SPAG16: variants seen among roughly 807,000 people sequenced by gnomAD.
SPAG16 encodes sperm-associated antigen 16 protein.
A neutral mutation model predicts 80.4 loss-of-function variants in SPAG16; 86 were observed. That is an observed-to-expected ratio of 1.07 (90% CI 0.90 to 1.28). SPAG16 has a LOEUF of 1.28. Among genes scored for constraint, SPAG16 ranks in the 50% most tolerant of loss-of-function variants. SPAG16 has a pLI of 0.00. For missense variants in SPAG16, 870 were observed against 765.3 expected (o/e 1.14, Z -1.61); for synonymous variants, 294 against 265.9 (o/e 1.11, Z -1.03).
At chr2:213,518,337 C>T (rs902389533) in intron 10 of SPAG16, among the ~76,000 whole-genome samples, 11 of 152,162 alleles carry the variant, frequency 7.2e-5, no homozygotes, top group Non-Finnish European at 1.6e-4. Context: ...GCATGATCAT[C>T]GCTTACTGCA....
chr2:214,279,308 G>A (rs1027960124), intron 15 of SPAG16, among the ~76,000 whole-genome samples: 3 of 152,102 alleles, frequency 2.0e-5, no homozygotes, highest in African/African-American at 7.2e-5. Flanking sequence ...TGTTCGCAAG[G>A]ATGGTCTCAA....
chr2:213,503,806 T>C (rs1054966741), intron 10 of SPAG16, among the ~76,000 whole-genome samples: 10 of 151,726 alleles, frequency 6.6e-5, no homozygotes, highest in African/African-American at 2.4e-4. Flanking sequence ...AATGTGGAAA[T>C]GTAACCGGAC....
At chr2:214,091,000 T>A (rs753831242) in intron 13 of SPAG16, among the ~76,000 whole-genome samples, 6 of 152,066 alleles carry the variant, frequency 3.9e-5, no homozygotes, top group Non-Finnish European at 5.9e-5. Flanking sequence ...TTTAAGTCTG[T>A]CTTGAGGTCA....
chr2:214,037,618 A>G (rs2048766278), intron 13 of SPAG16, among the ~76,000 whole-genome samples: 1 of 151,956 alleles, frequency 6.6e-6, no homozygotes, highest in African/African-American at 2.4e-5. Context: ...ATATATTAAC[A>G]TCTCCTAGGC....
intron 15 of SPAG16, among the ~76,000 whole-genome samples, chr2:214,246,076 T>C (rs1381607534): frequency 6.6e-6 from 1 of 152,094 alleles, no homozygotes; most frequent in Non-Finnish European, 1.5e-5. Flanking sequence ...ATACAACTTA[T>C]ATTAACTGTT....
At chr2:213,773,379 T>G (rs1023706426) in intron 10 of SPAG16, among the ~76,000 whole-genome samples, 9 of 152,228 alleles carry the variant, frequency 5.9e-5, no homozygotes, top group Non-Finnish European at 1.2e-4. Flanking sequence ...AAACTTCATA[T>G]TTATGGCATA....
intron 13 of SPAG16, among the ~76,000 whole-genome samples, chr2:214,057,416 A>G (rs1559742964): frequency 1.3e-5 from 2 of 152,100 alleles, no homozygotes; most frequent in Admixed American, 1.3e-4. Flanking sequence ...AATATTATTA[A>G]TCTTTTTTTT....
intron 9 of SPAG16, among the ~76,000 whole-genome samples, chr2:213,447,608 C>T (rs73986849): frequency 0.014 from 2,152 of 152,282 alleles, 46 homozygotes; most frequent in African/African-American, 0.048. Flanking sequence ...TGGAGAACAT[C>T]GGGCGTTCCC....
At chr2:214,204,835 A>T (rs2058098337) in intron 15 of SPAG16, among the ~76,000 whole-genome samples, 1 of 152,218 alleles carries the variant, frequency 6.6e-6, no homozygotes, top group Non-Finnish European at 1.5e-5. Context: ...CCAAGAAGAA[A>T]TCTCTGAATT....
At chr2:214,325,282 T>G (rs1696397389) in intron 15 of SPAG16, among the ~76,000 whole-genome samples, 1 of 152,182 alleles carries the variant, frequency 6.6e-6, no homozygotes, top group Non-Finnish European at 1.5e-5. Flanking sequence ...GTCTAGGAGT[T>G]GCCTGAGACT....
At chr2:213,946,750 CAT>C (rs773908264) in intron 12 of SPAG16, among the ~76,000 whole-genome samples, 1 of 152,088 alleles carries the variant, frequency 6.6e-6, no homozygotes, top group Non-Finnish European at 1.5e-5. Context: ...AATTTTATCA[CAT>C]GTGTAGATTA....
chr2:214,031,404 C>T (rs1241742239), intron 13 of SPAG16, among the ~76,000 whole-genome samples: 17 of 113,938 alleles, frequency 1.5e-4, no homozygotes, highest in African/African-American at 5.9e-4. Context: ...CACATGGACA[C>T]AGGAAGGGGA....
intron 11 of SPAG16, among the ~76,000 whole-genome samples, chr2:213,922,611 C>T (rs2078276331): frequency 6.6e-6 from 1 of 152,198 alleles, no homozygotes; most frequent in Admixed American, 6.5e-5. Context: ...TCTGGCTTTT[C>T]AAGTTGTCAG....
chr2:214,059,186 C>CTCTCTCTCTA (rs1553706143), intron 13 of SPAG16, among the ~76,000 whole-genome samples: 1 of 114,390 alleles, frequency 8.7e-6, no homozygotes, highest in African/African-American at 3.5e-5. Context: ...CTCTCTCTGT[C>CTCTCTCTCTA]TATATATATA....
intron 15 of SPAG16, among the ~76,000 whole-genome samples, chr2:214,288,952 T>G (rs970001412): frequency 1.3e-5 from 2 of 152,022 alleles, no homozygotes; most frequent in Admixed American, 1.3e-4. Context: ...GAATTTTTAG[T>G]AGAGACGGGG....
chr2:213,290,871 A>T (rs1354875776), intron 1 of SPAG16, among the ~76,000 whole-genome samples: 1 of 152,196 alleles, frequency 6.6e-6, no homozygotes, highest in Non-Finnish European at 1.5e-5. Flanking sequence ...TTTCACATAC[A>T]GTACTCCATC....
At chr2:214,004,650 C>T (rs1436799087) in intron 12 of SPAG16, among the ~76,000 whole-genome samples, 1 of 151,926 alleles carries the variant, frequency 6.6e-6, no homozygotes, top group East Asian at 1.9e-4. Flanking sequence ...CAGGTGTGGG[C>T]TGGAGTAGTC....
In SPAG16 at chr2:213,317,288, G is replaced by C; in HGVS notation, c.468G>C (p.Gln156His). The change falls in exon 5 of 16, where the codon CAG becomes CAC. Residue 156 changes from glutamine (Q) to histidine (H), a missense_variant. Transcript: ENST00000331683. Reference protein sequence around the residue: ...TVGNVPDVYTQIMLLENENKN... With the variant: ...TVGNVPDVYTHIMLLENENKN... Reference sequence around the variant, plus strand: ...GGAATGTTCCAGATGTCTACACCCAGATTATGCTTTTGGAAAATGAGAACA... The same window carrying C: ...GGAATGTTCCAGATGTCTACACCCACATTATGCTTTTGGAAAATGAGAACA... The C allele has an allele frequency of 1.4e-5, 23 of 1,611,312 alleles. No individual in the cohort carries two copies. The highest frequency in any genetic ancestry group is 2.0e-5 in the Non-Finnish European group (23 of 1,178,270).
intron 10 of SPAG16, among the ~76,000 whole-genome samples, chr2:213,597,056 C>T (rs925798963): frequency 2.0e-5 from 3 of 152,114 alleles, no homozygotes; most frequent in African/African-American, 7.2e-5. Flanking sequence ...TTTAAACAGG[C>T]ACAATCTGAA....
Sources: gnomAD v4.1 joint callset for allele counts (sites outside exome capture counted in the v4.1 genomes callset) on GRCh38, gnomAD v4.1.1 for gene constraint, MANE v1.5 for transcripts, NCBI Gene and HGNC (gene_info 2026-07-23, HGNC 2026-07-21) for gene names.